The following AP1G1 variants were observed in gnomAD, a reference collection of about 807,000 sequenced individuals.
The protein encoded by AP1G1 is AP-1 complex subunit gamma-1.
AP1G1 carries 7 observed loss-of-function variants against 108.3 expected under a neutral mutation model. That is an observed-to-expected ratio of 0.06 (90% CI 0.04 to 0.12). AP1G1 has a LOEUF of 0.12. AP1G1 is among the 10% of genes least tolerant of loss of function. AP1G1 has a pLI of 1.00. For synonymous variants in AP1G1, 379 were observed against 353.5 expected (o/e 1.07, Z -0.81); for missense variants, 756 against 1,010.7 (o/e 0.75, Z 3.42).
intron 1 of AP1G1, among the ~76,000 whole-genome samples, chr16:71,789,826 A>C (rs1470600546): frequency 1.3e-5 from 2 of 152,268 alleles, no homozygotes; most frequent in Admixed American, 1.3e-4. Flanking sequence ...AGTAATAAGG[A>C]AAGGCCTATG....
At position 71,736,504 on chromosome 16, in the gene AP1G1, C is replaced by T. The variant is rs1210705853; in HGVS notation, c.2269-1797G>A. Reference sequence around the variant, plus strand: ...CATGCCATTCTCCTGCCTCAGCCTCCTGAGTAGCTGGGACTACAGGCGCCC... The same window carrying T: ...CATGCCATTCTCCTGCCTCAGCCTCTTGAGTAGCTGGGACTACAGGCGCCC... On this transcript the variant is annotated intron_variant, in intron 21 of 22. Coordinates refer to ENST00000299980, the MANE Select transcript of AP1G1 (RefSeq NM_001128.6). 2.0e-5 allele frequency among the ~76,000 whole-genome samples: 3 copies of T among 150,604 alleles called. No homozygotes were observed. The East Asian group carries it at 5.8e-4, about 29-fold the overall frequency.
chr16:71,782,572 C>T (rs756097594), intron 2 of AP1G1, among the ~76,000 whole-genome samples: 5 of 151,982 alleles, frequency 3.3e-5, no homozygotes, highest in Non-Finnish European at 7.4e-5. Context: ...CTGCAACCTC[C>T]ACCTCCCGGG....
intron 1 of AP1G1, among the ~76,000 whole-genome samples, chr16:71,791,906 C>T (rs570222354): frequency 5.9e-5 from 9 of 151,816 alleles, no homozygotes; most frequent in Non-Finnish European, 1.2e-4. Context: ...GTATTACAGG[C>T]ATGCACCACC....
Position 71,759,446 on chromosome 16 carries a change from GC to G in AP1G1, c.975-526del, listed in dbSNP as rs1741008412. ...ACTGCACTCCAGCCTGGGTGACAGA[GC>G]GAGACTCTGTCTCAAAAAAAAATAA... is the stretch of plus-strand genomic sequence containing the variant. On this transcript the variant is annotated intron_variant, in intron 10 of 22. Coordinates refer to ENST00000299980, the MANE Select transcript of AP1G1 (RefSeq NM_001128.6). Among the ~76,000 whole-genome samples the G allele has an allele frequency of 2.6e-5, 4 of 151,798 alleles. No individual in the cohort carries two copies. The South Asian group carries it at 8.3e-4, about 32-fold the overall frequency.
chr16:71,736,589 TA>T (rs1465133750), intron 21 of AP1G1, among the ~76,000 whole-genome samples: 7 of 140,330 alleles, frequency 5.0e-5, no homozygotes, highest in African/African-American at 1.6e-4. Flanking sequence ...TTTATTTATT[TA>T]TTTATTTATT....
chr16:71,734,421 A>C, intron 22 of AP1G1, 188 bp downstream of exon 22: 1 of 544,180 alleles, frequency 1.8e-6, no homozygotes, highest in Admixed American at 3.0e-5. Flanking sequence ...ATAAGATGCC[A>C]CTAAGCCACC....
chr16:71,756,267 T>A (rs2030779398), intron 11 of AP1G1, 108 bp from the exon 12 acceptor site: 1 of 879,834 alleles, frequency 1.1e-6, no homozygotes, highest in Non-Finnish European at 1.7e-6. Flanking sequence ...TGTGCTGACG[T>A]CCTTGCACGA....
chr16:71,741,214 G>A (rs1469861530), intron 19 of AP1G1, among the ~76,000 whole-genome samples: 1 of 152,126 alleles, frequency 6.6e-6, no homozygotes, highest in Non-Finnish European at 1.5e-5. Context: ...AATAAAGGAA[G>A]GCTAGAATAT....
chr16:71,785,471 A>G (rs1207576067), intron 2 of AP1G1, among the ~76,000 whole-genome samples: 1 of 149,996 alleles, frequency 6.7e-6, no homozygotes, highest in Admixed American at 6.7e-5. Flanking sequence ...GCTACTCAGG[A>G]GGCTGAGGCA....
intron 10 of AP1G1, among the ~76,000 whole-genome samples, chr16:71,759,857 CAAA>C (rs1236452109): frequency 1.3e-5 from 2 of 151,534 alleles, no homozygotes; most frequent in East Asian, 3.9e-4. Context: ...AATAGTAAAA[CAAA>C]AAGAGCATAT....
chr16:71,770,056 T>C (rs2031510394), intron 5 of AP1G1, among the ~76,000 whole-genome samples: 1 of 152,208 alleles, frequency 6.6e-6, no homozygotes, highest in African/African-American at 2.4e-5. Flanking sequence ...ATCTGAGTAC[T>C]AACAGATAAT....
At chr16:71,801,426 T>G (rs1597093107) in intron 1 of AP1G1, among the ~76,000 whole-genome samples, 2 of 152,114 alleles carry the variant, frequency 1.3e-5, no homozygotes, top group Non-Finnish European at 2.9e-5. Context: ...TACGTGAGTA[T>G]GTACAGTACT....
chr16:71,775,254 A>C (rs1194487584), intron 2 of AP1G1, among the ~76,000 whole-genome samples: 3 of 146,428 alleles, frequency 2.0e-5, no homozygotes, highest in Non-Finnish European at 4.5e-5. Context: ...CTGGTCACGG[A>C]CTCCTGACCA....
chr16:71,752,784 T>C (rs1346159717), intron 13 of AP1G1, among the ~76,000 whole-genome samples: 1 of 152,166 alleles, frequency 6.6e-6, no homozygotes, highest in East Asian at 1.9e-4. Flanking sequence ...CTCTATTTTC[T>C]AACACTGGGA....
In AP1G1 at chr16:71,731,043, A is replaced by T. The variant is rs2045470475; in HGVS notation, c.*2015T>A. On this transcript the variant is annotated 3_prime_UTR_variant, in exon 23 of 23. Transcript: ENST00000299980. ...ATGTTAAGACAAATTCTATTCAAGA[A>T]ATCCACCAACATTATGTTAATCCTA... 1 of 152,612 alleles carries T rather than the reference A, an allele frequency of 6.6e-6. No individual in the cohort carries two copies. Among genetic ancestry groups the T allele is most frequent in the Non-Finnish European group, 1.5e-5 (1 of 68,046 alleles). The allele number at this position is 152,612 out of a possible 1,614,324, so 9.5% of individuals were successfully genotyped here. A position where few individuals can be genotyped will look rare whatever the true frequency, so the allele number is the denominator to read the frequency against.
At chr16:71,743,807 G>A (rs150338633) in intron 19 of AP1G1, among the ~76,000 whole-genome samples, 1,715 of 148,740 alleles carry the variant, frequency 0.012, 49 homozygotes, top group African/African-American at 0.04. Context: ...TTAGCCAGGC[G>A]CAGTAGCAGG....
chr16:71,752,031 A>G, intron 13 of AP1G1, among the ~76,000 whole-genome samples: 1 of 152,310 alleles, frequency 6.6e-6, no homozygotes, highest in South Asian at 2.1e-4. Flanking sequence ...ACAAAGTTAT[A>G]AAAAGAATAA....
intron 9 of AP1G1, among the ~76,000 whole-genome samples, chr16:71,763,381 T>A (rs567594246): frequency 6.6e-5 from 10 of 152,326 alleles, no homozygotes; most frequent in South Asian, 4.1e-4. Flanking sequence ...TGGAGAGTTA[T>A]TGTTTAATGG....
intron 1 of AP1G1, among the ~76,000 whole-genome samples, chr16:71,796,562 A>G (rs972498643): frequency 6.6e-6 from 1 of 152,120 alleles, no homozygotes; most frequent in Non-Finnish European, 1.5e-5. Context: ...ATAACTTACA[A>G]ATCAGTGTGT....
Sources: gnomAD v4.1 joint callset for allele counts (sites outside exome capture counted in the v4.1 genomes callset) on GRCh38, gnomAD v4.1.1 for gene constraint, MANE v1.5 for transcripts, NCBI Gene and HGNC (gene_info 2026-07-23, HGNC 2026-07-21) for gene names.